Variants in ADRM1 observed in about 807,000 individuals in gnomAD.
ADRM1 encodes the protein ADRM1 26S proteasome ubiquitin receptor, also known as proteasomal ubiquitin receptor ADRM1.
In ADRM1, 2 loss-of-function variants were observed where a neutral mutation model predicts 40.1. That is an observed-to-expected ratio of 0.05 (90% CI 0.02 to 0.16). The LOEUF (loss-of-function observed/expected upper bound fraction) is 0.16, where lower values mean the gene tolerates loss of function less well. ADRM1 is among the 10% of genes least tolerant of loss of function. The pLI is 1.00. For missense variants in ADRM1, 467 were observed against 552.5 expected (o/e 0.85, Z 1.55); for synonymous variants, 287 against 240.4 (o/e 1.19, Z -1.79).
At chr20:62,308,304 G>C (rs1985457005) in intron 8 of ADRM1, 64 bp from the exon 9 acceptor site, 1 of 1,547,284 alleles carries the variant, frequency 6.5e-7, no homozygotes, top group African/African-American at 1.4e-5. Context: ...GCTGGCAGCT[G>C]AGCAGTGTGG....
At chr20:62,305,888 G>C in intron 3 of ADRM1, 2 of 350,250 alleles carry the variant, frequency 5.7e-6, no homozygotes, top group South Asian at 3.2e-5. Flanking sequence ...GAGGGTGAGA[G>C]GGCTTGGTCT....
chr20:62,306,035 C>G (rs1037219004), intron 3 of ADRM1, 162 bp from the exon 4 acceptor site: 1 of 932,654 alleles, frequency 1.1e-6, no homozygotes, highest in Non-Finnish European at 1.6e-6. Flanking sequence ...CTGCCGTCCC[C>G]TCACCTGCTG....
intron 2 of ADRM1, chr20:62,304,058 C>A: frequency 1.9e-6 from 1 of 526,364 alleles, no homozygotes; most frequent in Non-Finnish European, 3.4e-6. Context: ...TGTGAGGTGC[C>A]TGGGGTTGGA....
intron 5 of ADRM1, 37 bp from the exon 6 acceptor site, chr20:62,307,334 A>T: frequency 1.3e-6 from 2 of 1,582,252 alleles, no homozygotes; most frequent in South Asian, 2.3e-5. Context: ...GGTGGGCTAG[A>T]GGGCATCCTG....
Position 62,303,436 on chromosome 20 carries a change from C to T in ADRM1, c.-1-132C>T, listed in dbSNP as rs1441142641. ...GCGGGGCAAACGCGGAAAGGCAGCCCGGCGTGTCTGAGTCTGCCTTAGGCA... is the reference window on the plus strand; with the variant it reads ...GCGGGGCAAACGCGGAAAGGCAGCCTGGCGTGTCTGAGTCTGCCTTAGGCA... On this transcript the variant is annotated intron_variant, in intron 1 of 9. Transcript: ENST00000253003. 6.7e-6 allele frequency: 6 copies of T among 897,100 alleles called. No homozygotes were observed. The East Asian group carries it at 1.0e-4, about 15-fold the overall frequency. 55.6% of individuals were successfully genotyped at this position (897,100 alleles called of 1,614,324 possible).
intron 1 of ADRM1, 139 bp from the exon 2 acceptor site, chr20:62,303,429 G>C: frequency 2.3e-6 from 2 of 859,570 alleles, no homozygotes; most frequent in Non-Finnish European, 3.6e-6. Context: ...AACGCGGAAA[G>C]GCAGCCCGGC....
intron 3 of ADRM1, 120 bp downstream of exon 3, chr20:62,304,697 A>T (rs1217441166): frequency 2.1e-6 from 2 of 962,906 alleles, no homozygotes; most frequent in African/African-American, 3.2e-5. Flanking sequence ...ACCCGGCCAC[A>T]CGGCCTGAGA....
At chr20:62,303,860 G>C in intron 2 of ADRM1, 79 bp downstream of exon 2, 2 of 1,444,922 alleles carry the variant, frequency 1.4e-6, no homozygotes, top group Non-Finnish European at 1.9e-6. Flanking sequence ...TTCGCGGTGG[G>C]GGCTTGGCCG....
rs1306870770 is a variant in ADRM1, at chr20:62,304,563, T to A, written c.316T>A (p.Phe106Ile). Residue 106 changes from phenylalanine to isoleucine, a missense_variant, in exon 3 of 10, where the codon TTC (phenylalanine) becomes ATC (isoleucine). Physicochemically the swap from Phe to Ile is conservative, Grantham distance 21 (BLOSUM62 0). Coordinates refer to ENST00000253003, the MANE Select transcript of ADRM1 (RefSeq NM_007002.4). ...GTTCAAGGCAGGGTCCAAGCGGCTTTTCTTCTGGATGCAGGTATGGGGCAG... is the reference window on the plus strand; with the variant it reads ...GTTCAAGGCAGGGTCCAAGCGGCTTATCTTCTGGATGCAGGTATGGGGCAG... ...LKFKAGSKRL[F>I]FWMQEPKTDQ... is the part of the protein sequence containing the mutation. 1 of 1,613,832 alleles carries A rather than the reference T, an allele frequency of 6.2e-7. No homozygotes were observed. The highest frequency in any genetic ancestry group is 8.5e-7 in the Non-Finnish European group (1 of 1,179,914).
Position 62,307,697 on chromosome 20 carries a change from C to G in ADRM1, c.725C>G (p.Pro242Arg), listed in dbSNP as rs768360669. The change falls in exon 7 of 10, where the codon CCG (proline) becomes CGG (arginine). Residue 242 changes from proline to arginine, a missense_variant. By Grantham distance (103) the Pro-to-Arg change is moderately radical. This residue lies in a region of ADRM1 where 418 missense variants were observed against 474.6 expected (regional missense o/e 0.88). Coordinates refer to ENST00000253003, the MANE Select transcript of ADRM1 (RefSeq NM_007002.4). ...SAPAAASATS[P>R]SPAPSSGNGA... ...CCAGCAGCTGCCTCAGCAACTAGCC[C>G]GAGCCCCGCGCCCAGTTCCGGGAAT... 5 of 1,612,206 alleles carry G rather than the reference C, an allele frequency of 3.1e-6. No homozygotes were observed. The South Asian group carries it at 4.4e-5, about 14-fold the overall frequency.
intron 3 of ADRM1, 94 bp from the exon 4 acceptor site, chr20:62,306,103 G>C (rs1984912176): frequency 1.3e-6 from 2 of 1,522,600 alleles, no homozygotes; most frequent in African/African-American, 2.8e-5. Context: ...CTGCGTCTCA[G>C]GTCCCTCACC....
chr20:62,307,807 G>C lies in ADRM1; in HGVS notation c.835G>C (p.Gly279Arg). 6.2e-7 allele frequency: 1 copy of C among 1,608,838 alleles called. No individual in the cohort carries two copies. The highest frequency in any genetic ancestry group is 8.5e-7 in the Non-Finnish European group (1 of 1,178,476). The part of the protein sequence containing the change: ...SILATMNVPA[G>R]PAGGQQVDLA... ...CCTGGCCACGATGAACGTACCAGCC[G>C]GGCCAGCAGGCGGCCAGCAAGGTAA... Residue 279 changes from glycine (G) to arginine (R), a missense_variant, in exon 7 of 10, where the codon GGG becomes CGG. This residue lies in a region of ADRM1 where 418 missense variants were observed against 474.6 expected (regional missense o/e 0.88). Coordinates refer to ENST00000253003, the MANE Select transcript of ADRM1 (RefSeq NM_007002.4).
chr20:62,307,826 A>G lies in ADRM1; in HGVS notation c.854A>G (p.Gln285Arg). 1 of 1,604,042 alleles carries G rather than the reference A, an allele frequency of 6.2e-7. No individual in the cohort carries two copies. The highest frequency in any genetic ancestry group is 8.5e-7 in the Non-Finnish European group (1 of 1,176,196). ...NVPAGPAGGQ[Q>R]VDLASVLTPE... ...CCAGCCGGGCCAGCAGGCGGCCAGC[A>G]AGGTAACGTGTGCTGTCGCCTGGAG... Residue 285 changes from glutamine (Q) to arginine (R), a missense_variant and splice_region_variant, in exon 7 of 10, where the codon CAA (glutamine) becomes CGA (arginine). Gln to Arg is a conservative substitution (Grantham distance 43, BLOSUM62 1). Transcript: ENST00000253003.
chr20:62,303,463 C>G lies in ADRM1; in HGVS notation c.-1-105C>G, dbSNP rs551523495. ...GCGTGTCTGAGTCTGCCTTAGGCAGCTCTGGGCGCAGGCCCCCTGCTCGCA... is the reference window on the plus strand; with the variant it reads ...GCGTGTCTGAGTCTGCCTTAGGCAGGTCTGGGCGCAGGCCCCCTGCTCGCA... On this transcript the variant is annotated intron_variant, in intron 1 of 9. Coordinates refer to ENST00000253003, the MANE Select transcript of ADRM1 (RefSeq NM_007002.4). 1.6e-5 allele frequency: 19 copies of G among 1,200,126 alleles called. No homozygotes were observed. The African/African-American group carries it at 2.9e-4, about 18-fold the overall frequency. The allele number at this position is 1,200,126 out of a possible 1,614,324, so 74.3% of individuals were successfully genotyped here.
rs1305980098 is a variant in ADRM1 at position 62,304,254 on chromosome 20, C to G, written c.214-207C>G. 8.7e-6 allele frequency: 5 copies of G among 573,570 alleles called. No individual in the cohort carries two copies. In the Admixed American group the frequency reaches 1.2e-4, roughly 14 times the overall value. The allele number at this position is 573,570 out of a possible 1,614,324, so 35.5% of individuals were successfully genotyped here. ...GTTGCCATCTGAAAGGCCCCTTTCC[C>G]TGCTCTCTCCCCCGGCCTTGCCTTT... On this transcript the variant is annotated intron_variant, in intron 2 of 9. Transcript: ENST00000253003.
At position 62,306,744 on chromosome 20, in the gene ADRM1, G is replaced by A. The variant is rs779218300; in HGVS notation, c.541+10G>A. ...GGCCTTGGAGGACTGGGTAACGTGC[G>A]CCACCCGGGCTCTCGGGCAGCTTCT... On this transcript the variant is annotated intron_variant, in intron 5 of 9. Transcript: ENST00000253003. 58 of 1,594,538 alleles carry A rather than the reference G, an allele frequency of 3.6e-5. 1 individual carries two copies. In the South Asian group the frequency reaches 5.8e-4, roughly 16 times the overall value.
In ADRM1 at chr20:62,303,686, C is replaced by G. The variant is rs777917151; in HGVS notation, c.118C>G (p.Pro40Ala). 1.2e-6 allele frequency: 2 copies of G among 1,612,388 alleles called. No homozygotes were observed. The highest frequency in any genetic ancestry group is 1.7e-5 in the Admixed American group (1 of 60,014). The change falls in exon 2 of 10, where the codon CCG becomes GCG. Residue 40 changes from proline to alanine, a missense_variant. By Grantham distance (27) the Pro-to-Ala change is conservative (BLOSUM62 -1). Coordinates refer to ENST00000253003, the MANE Select transcript of ADRM1 (RefSeq NM_007002.4). ...KMSLKGTTVT[P>A]DKRKGLVYIQ... is the part of the protein sequence containing the mutation. The stretch of plus-strand genomic sequence containing the variant: ...GTCCCTGAAGGGGACCACCGTGACT[C>G]CGGATAAGCGGAAAGGGCTGGTGTA...
At chr20:62,305,130 T>C (rs1004923612) in intron 3 of ADRM1, among the ~76,000 whole-genome samples, 1 of 152,256 alleles carries the variant, frequency 6.6e-6, no homozygotes, top group African/African-American at 2.4e-5. Flanking sequence ...TTTTTTGTGC[T>C]GTTACAGGCA....
intron 5 of ADRM1, 125 bp from the exon 6 acceptor site, chr20:62,307,246 C>T: frequency 1.1e-6 from 1 of 948,738 alleles, no homozygotes; most frequent in East Asian, 2.7e-5. Context: ...CCTGTGGGTC[C>T]CCACCGCCCC....
Sources: gnomAD v4.1 joint callset for allele counts (sites outside exome capture counted in the v4.1 genomes callset) on GRCh38, gnomAD v4.1.1 for gene constraint, gnomAD v4.1.1 regional missense constraint, MANE v1.5 for transcripts, NCBI Gene and HGNC (gene_info 2026-07-23, HGNC 2026-07-21) for gene names.